Variants in SCAI observed in about 807,000 individuals in gnomAD.
SCAI encodes the protein protein SCAI.
SCAI carries 24 observed loss-of-function variants against 92.2 expected under a neutral mutation model. The observed-to-expected ratio is 0.26, with a 90% CI of 0.19 to 0.37. SCAI has a LOEUF of 0.37. SCAI is among the 10% of genes least tolerant of loss of function. SCAI has a pLI of 1.00. For synonymous variants in SCAI, 261 were observed against 258.6 expected, an observed-to-expected ratio of 1.01 and a Z score of -0.09; for missense variants, 450 against 736.2, an observed-to-expected ratio of 0.61 and a Z score of 4.50.
rs74309922 is a variant in SCAI, at chr9:124,993,258, A to G, written c.1326+1676T>C. On this transcript the variant is annotated intron_variant, in intron 14 of 17. Transcript: ENST00000336505. The stretch of plus-strand genomic sequence containing the variant: ...ATTCAGCAGCTTCTCACATTCTTCC[A>G]TTTCCCACAAAAACAAAACAAATAT... 5.3e-5 allele frequency among the ~76,000 whole-genome samples: 8 copies of G among 152,338 alleles called. No individual in the cohort carries two copies. The East Asian group carries it at 1.5e-3, about 29-fold the overall frequency.
rs763980529 is a variant in SCAI at position 125,019,101 on chromosome 9, A to G, written c.708+6T>C. 4.4e-6 allele frequency: 7 copies of G among 1,589,622 alleles called. No individual in the cohort carries two copies. In the Admixed American group the frequency reaches 1.1e-4, roughly 24 times the overall value. ...ATAATTATGATTTTTCTTATCAAAA[A>G]CTGACCTCAATGAAAGCTGCTACTT... On this transcript the variant is annotated splice_donor_region_variant and intron_variant, in intron 8 of 17. Transcript: ENST00000336505.
intron 2 of SCAI, among the ~76,000 whole-genome samples, chr9:125,128,617 G>T (rs1383054649): frequency 1.3e-5 from 2 of 152,054 alleles, no homozygotes; most frequent in African/African-American, 4.8e-5. Context: ...GCCGGGTGTG[G>T]TGGTGTGTGC....
In SCAI at chr9:125,041,821, C is replaced by A. The variant is rs76808363; in HGVS notation, c.231-12082G>T. On this transcript the variant is annotated intron_variant, in intron 3 of 17. Coordinates refer to ENST00000336505, the MANE Select transcript of SCAI (RefSeq NM_001144877.3). ...CCAGTCTAAATCAGTTATAAAGACA[C>A]CAGTTTCTTTTTCAAAATAGGGTTT... Among the ~76,000 whole-genome samples, 2,726 of 152,128 alleles carry A rather than the reference C, an allele frequency of 0.018. 160 individuals carry two copies. In the East Asian group the frequency reaches 0.23, roughly 13 times the overall value.
intron 9 of SCAI, among the ~76,000 whole-genome samples, chr9:125,008,437 A>C (rs1832560824): frequency 6.6e-6 from 1 of 152,168 alleles, no homozygotes; most frequent in South Asian, 2.1e-4. Context: ...GCCTGGCCTG[A>C]TATTTGTATT....
chr9:125,143,308 C>T (rs1425214293), intron 1 of SCAI, 77 bp downstream of exon 1: 6 of 927,544 alleles, frequency 6.5e-6, no homozygotes, highest in African/African-American at 1.7e-5. Context: ...TGCTCCACCG[C>T]CCCGAGCCGC....
chr9:125,060,462 C>A (rs1833749564), intron 2 of SCAI, among the ~76,000 whole-genome samples: 2 of 152,102 alleles, frequency 1.3e-5, no homozygotes, highest in South Asian at 4.1e-4. Context: ...GAATATATAA[C>A]CAAAAAGATC....
intron 2 of SCAI, among the ~76,000 whole-genome samples, chr9:125,069,269 A>G (rs1833930696): frequency 1.3e-5 from 2 of 151,832 alleles, no homozygotes; most frequent in South Asian, 4.2e-4. Context: ...AAGAAAGGAG[A>G]GCATTTATGG....
chr9:125,012,358 C>G (rs1440311908), intron 9 of SCAI, among the ~76,000 whole-genome samples: 1 of 151,476 alleles, frequency 6.6e-6, no homozygotes, highest in African/African-American at 2.4e-5. Flanking sequence ...AAATGGAAAA[C>G]AAAAAAAGGC....
intron 2 of SCAI, among the ~76,000 whole-genome samples, chr9:125,123,752 G>C (rs1201101905): frequency 6.6e-6 from 1 of 152,084 alleles, no homozygotes; most frequent in Non-Finnish European, 1.5e-5. Context: ...TCCAGCCTGG[G>C]CGAGAGTGAG....
intron 2 of SCAI, among the ~76,000 whole-genome samples, chr9:125,109,582 A>C (rs1834890253): frequency 6.6e-6 from 1 of 152,196 alleles, no homozygotes; most frequent in Non-Finnish European, 1.5e-5. Flanking sequence ...TTACTACAGA[A>C]GTAAAATGTG....
chr9:125,061,165 C>T (rs1833761290), intron 2 of SCAI, among the ~76,000 whole-genome samples: 1 of 152,080 alleles, frequency 6.6e-6, no homozygotes, highest in South Asian at 2.1e-4. Context: ...GGCGTGGTGG[C>T]GGGCACCTGT....
chr9:124,943,959 C>A lies in SCAI; in HGVS notation c.*8848G>T, dbSNP rs2131557261. On this transcript the variant is annotated 3_prime_UTR_variant, in exon 18 of 18. Transcript: ENST00000336505. Reference sequence around the variant, plus strand: ...TACTGGTGCTACACAACGAAGATAACCTATATGGATAAGTTATTTTACTTG... The same window carrying A: ...TACTGGTGCTACACAACGAAGATAAACTATATGGATAAGTTATTTTACTTG... 6.6e-6 allele frequency: 1 copy of A among 152,232 alleles called. No homozygotes were observed. Among genetic ancestry groups the A allele is most frequent in the East Asian group, 1.9e-4 (1 of 5,190 alleles). The allele number at this position is 152,232 out of a possible 1,614,324, so 9.4% of individuals were successfully genotyped here.
At chr9:125,104,603 T>TAAA (rs34277435) in intron 2 of SCAI, among the ~76,000 whole-genome samples, 13 of 130,412 alleles carry the variant, frequency 1.0e-4, no homozygotes, top group Admixed American at 2.3e-4. Context: ...TGTTTTACTT[T>TAAA]AAAAAAAAAA....
chr9:125,067,853 C>T (rs1030741474), intron 2 of SCAI, among the ~76,000 whole-genome samples: 2 of 152,120 alleles, frequency 1.3e-5, no homozygotes, highest in African/African-American at 4.8e-5. Flanking sequence ...GACAACTGCT[C>T]AAAGATGTGT....
intron 2 of SCAI, among the ~76,000 whole-genome samples, chr9:125,107,994 A>C (rs1259834988): frequency 6.6e-6 from 1 of 152,012 alleles, no homozygotes; most frequent in Non-Finnish European, 1.5e-5. Context: ...GCCATGCCTG[A>C]CTGGTTTTCG....
At chr9:125,066,286 A>C (rs889397207) in intron 2 of SCAI, among the ~76,000 whole-genome samples, 1 of 152,150 alleles carries the variant, frequency 6.6e-6, no homozygotes, top group African/African-American at 2.4e-5. Context: ...GTGTAGCCTC[A>C]GTGTACAGTG....
At chr9:125,127,577 T>C (rs531768272) in intron 2 of SCAI, among the ~76,000 whole-genome samples, 116 of 152,308 alleles carry the variant, frequency 7.6e-4, no homozygotes, top group Admixed American at 4.1e-3. Context: ...ATATTGTTAA[T>C]ACTTTTTGCT....
chr9:125,056,475 G>GA (rs1031397653), intron 2 of SCAI, among the ~76,000 whole-genome samples: 1 of 151,642 alleles, frequency 6.6e-6, no homozygotes, highest in African/African-American at 2.4e-5. Context: ...AAAAAACAAA[G>GA]AAAAAAAGAA....
chr9:124,968,410 A>G, intron 17 of SCAI: 2 of 1,131,648 alleles, frequency 1.8e-6, no homozygotes, highest in East Asian at 4.7e-5. Context: ...GAGTACACCC[A>G]GTTTTTCTCA....
Sources: allele counts gnomAD v4.1 joint callset (sites outside exome capture counted in the v4.1 genomes callset), GRCh38; gene constraint gnomAD v4.1.1; transcripts MANE v1.5; gene names NCBI Gene and HGNC (gene_info 2026-07-23, HGNC 2026-07-21).